Variants in MDFIC observed in about 807,000 individuals in gnomAD.
MDFIC encodes myoD family inhibitor domain-containing protein.
In MDFIC, 17 loss-of-function variants were observed where a neutral mutation model predicts 23.2. The observed-to-expected ratio is 0.73, with a 90% confidence interval of 0.50 to 1.10. The LOEUF is 1.10. Among genes scored for constraint, MDFIC ranks in the 50% least tolerant of loss-of-function variants. MDFIC has a pLI of 0.00. For synonymous variants in MDFIC, 120 were observed against 115.2 expected (o/e 1.04, Z -0.27); for missense variants, 356 against 316.6 (o/e 1.12, Z -0.95).
intron 2 of MDFIC, among the ~76,000 whole-genome samples, chr7:114,932,677 G>A (rs560256496): frequency 6.6e-6 from 1 of 152,190 alleles, no homozygotes. Context: ...AGAGCCAAAA[G>A]AATATAGGTT....
chr7:114,996,949 G>T (rs1304471702), intron 4 of MDFIC, among the ~76,000 whole-genome samples: 1 of 152,146 alleles, frequency 6.6e-6, no homozygotes, highest in Non-Finnish European at 1.5e-5. Context: ...AATGGAGAAG[G>T]GATAAAGAGG....
intron 3 of MDFIC, among the ~76,000 whole-genome samples, chr7:114,948,514 T>G (rs1356337237): frequency 6.6e-6 from 1 of 152,088 alleles, no homozygotes; most frequent in African/African-American, 2.4e-5. Context: ...ACGACCTTAC[T>G]TCCCTCCCTG....
At chr7:114,965,323 G>C (rs1793075013) in intron 3 of MDFIC, among the ~76,000 whole-genome samples, 1 of 152,210 alleles carries the variant, frequency 6.6e-6, no homozygotes, top group Non-Finnish European at 1.5e-5. Flanking sequence ...ACTGAGTTGT[G>C]ATTTTATCCT....
chr7:114,926,659 C>CA (rs1258786969), intron 2 of MDFIC, among the ~76,000 whole-genome samples: 1 of 152,066 alleles, frequency 6.6e-6, no homozygotes. Context: ...TAGCAGGATG[C>CA]AAAATGCCAG....
intron 4 of MDFIC, among the ~76,000 whole-genome samples, chr7:115,005,094 A>T (rs947201730): frequency 6.6e-6 from 1 of 152,264 alleles, no homozygotes; most frequent in Non-Finnish European, 1.5e-5. Context: ...TCTATTAGTT[A>T]TAGAAAATAG....
intron 3 of MDFIC, among the ~76,000 whole-genome samples, chr7:114,960,850 A>G (rs1025823552): frequency 6.6e-6 from 1 of 152,212 alleles, no homozygotes; most frequent in South Asian, 2.1e-4. Context: ...AGACAAGGAA[A>G]CAATAGTGGA....
At chr7:114,934,748 C>T (rs2115723901) in intron 2 of MDFIC, among the ~76,000 whole-genome samples, 1 of 152,286 alleles carries the variant, frequency 6.6e-6, no homozygotes, top group South Asian at 2.1e-4. Flanking sequence ...GATTATATAA[C>T]TTCCTTGTGT....
chr7:114,992,708 C>A (rs577707980), intron 4 of MDFIC, among the ~76,000 whole-genome samples: 1 of 152,178 alleles, frequency 6.6e-6, no homozygotes, highest in Non-Finnish European at 1.5e-5. Flanking sequence ...CCCACTTGAT[C>A]ATGGTGGATA....
intron 4 of MDFIC, among the ~76,000 whole-genome samples, chr7:115,001,772 T>C (rs1192526597): frequency 6.6e-6 from 1 of 152,184 alleles, no homozygotes; most frequent in Non-Finnish European, 1.5e-5. Context: ...GAAATAAGTA[T>C]GCACCTACTG....
chr7:114,955,781 C>G (rs1792872281), intron 3 of MDFIC, among the ~76,000 whole-genome samples: 1 of 152,136 alleles, frequency 6.6e-6, no homozygotes, highest in African/African-American at 2.4e-5. Flanking sequence ...TCTCAGTCCG[C>G]AGTTCATGCA....
chr7:114,989,455 G>C (rs964041703), intron 4 of MDFIC, among the ~76,000 whole-genome samples: 2 of 152,118 alleles, frequency 1.3e-5, no homozygotes, highest in South Asian at 2.1e-4. Flanking sequence ...TTTGTTTTAA[G>C]ATAGGAACAA....
intron 4 of MDFIC, among the ~76,000 whole-genome samples, chr7:115,006,894 A>G (rs1485467574): frequency 2.0e-5 from 3 of 152,128 alleles, no homozygotes; most frequent in South Asian, 2.1e-4. Context: ...CAACTGGCCA[A>G]CTGAAAATAG....
intron 2 of MDFIC, among the ~76,000 whole-genome samples, chr7:114,932,996 C>T (rs1421026339): frequency 6.6e-6 from 1 of 152,220 alleles, no homozygotes; most frequent in Non-Finnish European, 1.5e-5. Context: ...CTGAAATGCT[C>T]TTACAGATTA....
chr7:114,929,107 T>TATCTATCTATCTATCTATCTATCTATC (rs1563134669), intron 2 of MDFIC, among the ~76,000 whole-genome samples: 1 of 151,084 alleles, frequency 6.6e-6, no homozygotes, highest in Admixed American at 6.6e-5. Context: ...ATCTATCATC[T>TATCTATCTATCTATCTATCTATCTATC]ATCTATCTAT....
chr7:114,997,461 A>C (rs1294152593), intron 4 of MDFIC, among the ~76,000 whole-genome samples: 1 of 151,760 alleles, frequency 6.6e-6, no homozygotes, highest in Non-Finnish European at 1.5e-5. Context: ...GATTTTAAAG[A>C]AAGGGTCACC....
chr7:114,984,666 T>A (rs778037187), intron 4 of MDFIC, among the ~76,000 whole-genome samples: 2 of 152,176 alleles, frequency 1.3e-5, no homozygotes, highest in Non-Finnish European at 2.9e-5. Flanking sequence ...GACTAAATGT[T>A]TAAGATTCTT....
intron 2 of MDFIC, among the ~76,000 whole-genome samples, chr7:114,928,002 A>G (rs1792228185): frequency 6.6e-6 from 1 of 152,214 alleles, no homozygotes; most frequent in South Asian, 2.1e-4. Flanking sequence ...AGAAAAATAT[A>G]GAAGGGCATG....
intron 4 of MDFIC, among the ~76,000 whole-genome samples, chr7:115,003,567 C>T (rs1443932631): frequency 2.0e-5 from 3 of 152,098 alleles, no homozygotes; most frequent in Non-Finnish European, 4.4e-5. Context: ...CCTGTCTGAC[C>T]CCACTGGCAC....
At chr7:114,989,799 A>C (rs1247201303) in intron 4 of MDFIC, among the ~76,000 whole-genome samples, 2 of 152,170 alleles carry the variant, frequency 1.3e-5, no homozygotes, top group Non-Finnish European at 2.9e-5. Context: ...AGCCTTTCTC[A>C]AATCCCTACT....
Sources: gnomAD v4.1 joint callset for allele counts (sites outside exome capture counted in the v4.1 genomes callset) on GRCh38, gnomAD v4.1.1 for gene constraint, MANE v1.5 for transcripts, NCBI Gene and HGNC (gene_info 2026-07-23, HGNC 2026-07-21) for gene names.